TBCD: variants seen among roughly 807,000 people sequenced by gnomAD.
The protein encoded by TBCD is tubulin-specific chaperone D.
A neutral mutation model predicts 169.3 loss-of-function variants in TBCD; 105 were observed. That is an observed-to-expected ratio of 0.62 (90% CI 0.53 to 0.73). The LOEUF (loss-of-function observed/expected upper bound fraction) is 0.73, where lower values mean the gene tolerates loss of function less well. TBCD is among the 30% of genes least tolerant of loss of function. The probability of loss-of-function intolerance (pLI) is 0.00; values close to 1 mark genes in which losing one functional copy is unlikely to be tolerated. For synonymous variants in TBCD, 700 were observed against 643.9 expected (o/e 1.09, Z -1.32); for missense variants, 1,444 against 1,600.1 (o/e 0.90, Z 1.66).
chr17:82,893,292 G>A, intron 16 of TBCD: 1 of 507,650 alleles, frequency 2.0e-6, no homozygotes, highest in Non-Finnish European at 3.5e-6. Context: ...AAATGTTTGA[G>A]TTGTTTGAAA....
In TBCD at chr17:82,797,808, G is replaced by C. The variant is rs775669532; in HGVS notation, c.817+6G>C. ...TGAAGACTGTTTGCCCTATGGTAAG[G>C]TTTATTTTTAAGAGACGATATCTTT... On this transcript the variant is annotated splice_donor_region_variant and intron_variant, in intron 8 of 38. Coordinates refer to ENST00000355528, the MANE Select transcript of TBCD (RefSeq NM_005993.5). 7.6e-6 allele frequency: 12 copies of C among 1,571,866 alleles called. No individual in the cohort carries two copies. Among genetic ancestry groups the C allele is most frequent in the Non-Finnish European group, 1.0e-5 (12 of 1,166,228 alleles).
Position 82,930,360 on chromosome 17 carries a change from C to A in TBCD, c.2992-162C>A. ...CTTCGGGTGTCTGCACTGTGAGTGG[C>A]TCCGTGCTGGCGTCCGCACCAGCCG... On this transcript the variant is annotated intron_variant, in intron 32 of 38. Transcript: ENST00000355528. This position sits in a 1 kb window ranked among gnomAD's most constrained non-coding sequence, Gnocchi z 5.2. The A allele has an allele frequency of 9.8e-7, 1 of 1,015,826 alleles. No individual in the cohort carries two copies. The highest frequency in any genetic ancestry group is 1.4e-6 in the Non-Finnish European group (1 of 717,724). 62.9% of individuals were successfully genotyped at this position (1,015,826 alleles called of 1,614,324 possible). A position where few individuals can be genotyped will look rare whatever the true frequency, so the allele number is the denominator to read the frequency against.
intron 3 of TBCD, among the ~76,000 whole-genome samples, 173 bp downstream of exon 3, chr17:82,764,235 T>G (rs189668325): frequency 6.6e-6 from 1 of 152,232 alleles, no homozygotes; most frequent in Non-Finnish European, 1.5e-5. Flanking sequence ...TGATGTGGGC[T>G]CTTTGGCTGA....
intron 5 of TBCD, among the ~76,000 whole-genome samples, chr17:82,772,218 A>G (rs901003820): frequency 6.6e-6 from 1 of 152,180 alleles, no homozygotes; most frequent in Non-Finnish European, 1.5e-5. Flanking sequence ...GTGTGACCAA[A>G]TGCTCTGTGT....
chr17:82,940,267 C>T (rs551900322), intron 37 of TBCD, among the ~76,000 whole-genome samples: 5 of 146,056 alleles, frequency 3.4e-5, no homozygotes, highest in South Asian at 2.2e-4. Flanking sequence ...GGAGCAGTCT[C>T]GTCACCCCGT....
At chr17:82,863,080 A>G (rs1039887706) in intron 13 of TBCD, among the ~76,000 whole-genome samples, 6 of 152,168 alleles carry the variant, frequency 3.9e-5, no homozygotes, top group Non-Finnish European at 8.8e-5. Context: ...AAGTGAAGAT[A>G]TGAGGATGGG....
At chr17:82,929,538 T>A (rs765360426) in intron 32 of TBCD, 38 bp downstream of exon 32, 16 of 1,598,980 alleles carry the variant, frequency 1.0e-5, no homozygotes, top group Non-Finnish European at 1.2e-5. Flanking sequence ...AGGAGGTGGC[T>A]CCAGGAGTGC....
At chr17:82,935,696 C>T (rs1254130417) in intron 34 of TBCD, among the ~76,000 whole-genome samples, 1 of 152,188 alleles carries the variant, frequency 6.6e-6, no homozygotes, top group African/African-American at 2.4e-5. Flanking sequence ...CGCGTGCTTC[C>T]GTCTTGAGTT....
chr17:82,821,583 A>G (rs2052418603), intron 13 of TBCD, among the ~76,000 whole-genome samples: 1 of 152,160 alleles, frequency 6.6e-6, no homozygotes. Context: ...CTCCCTATGC[A>G]ATCTTCAGGC....
intron 6 of TBCD, among the ~76,000 whole-genome samples, chr17:82,777,977 G>T (rs1240348402): frequency 6.6e-6 from 1 of 152,250 alleles, no homozygotes; most frequent in African/African-American, 2.4e-5. Flanking sequence ...AGACCAAGGA[G>T]CCCTCTGGTG....
At chr17:82,881,520 G>A (rs2058351513) in intron 14 of TBCD, among the ~76,000 whole-genome samples, 1 of 152,126 alleles carries the variant, frequency 6.6e-6, no homozygotes, top group Admixed American at 6.5e-5. Context: ...GAAGCTTCTC[G>A]CTCCCAGCCG....
chr17:82,858,510 G>A (rs765756260), intron 13 of TBCD: 12 of 941,902 alleles, frequency 1.3e-5, no homozygotes, highest in African/African-American at 7.1e-5. Context: ...CAGGTACTAC[G>A]GCTGGAGGAT....
chr17:82,786,009 C>T (rs529061068), intron 7 of TBCD, among the ~76,000 whole-genome samples: 3 of 152,254 alleles, frequency 2.0e-5, no homozygotes, highest in Admixed American at 1.3e-4. Flanking sequence ...GGATATGTCC[C>T]GCACACCTGC....
chr17:82,789,368 C>T lies in TBCD; in HGVS notation c.771+7647C>T, dbSNP rs1023442972. Among the ~76,000 whole-genome samples the T allele has an allele frequency of 2.6e-5, 4 of 152,210 alleles. No individual in the cohort carries two copies. Among genetic ancestry groups the T allele is most frequent in the African/African-American group, 7.2e-5 (3 of 41,458 alleles). On this transcript the variant is annotated intron_variant, in intron 7 of 38. Transcript: ENST00000355528. The surrounding 1 kb of genome is among the most constrained non-coding windows in gnomAD (Gnocchi z 4.8). ...CCCATCCCTGCTGAGGTGGCGCGACCTGCTCACAGACGTGTGCTCACAGGC... is the reference window on the plus strand; with the variant it reads ...CCCATCCCTGCTGAGGTGGCGCGACTTGCTCACAGACGTGTGCTCACAGGC...
At chr17:82,768,066 G>A (rs1156524057) in intron 4 of TBCD, among the ~76,000 whole-genome samples, 1 of 152,064 alleles carries the variant, frequency 6.6e-6, no homozygotes, top group African/African-American at 2.4e-5. Context: ...TTATTCTTAG[G>A]TGTTTTTACT....
Position 82,864,778 on chromosome 17 carries a change from C to A in TBCD, c.1319-5446C>A, listed in dbSNP as rs775569452. Among the ~76,000 whole-genome samples the A allele has an allele frequency of 2.0e-5, 3 of 151,996 alleles. No individual in the cohort carries two copies. Among genetic ancestry groups the A allele is most frequent in the Non-Finnish European group, 4.4e-5 (3 of 67,984 alleles). The stretch of plus-strand genomic sequence containing the variant: ...AGCAGGTGATGCATATCCGGGCGCC[C>A]ACCCTAGCAGCACAGGAAGGGCTGG... On this transcript the variant is annotated intron_variant, in intron 13 of 38. Coordinates refer to ENST00000355528, the MANE Select transcript of TBCD (RefSeq NM_005993.5). The surrounding 1 kb of genome is among the most constrained non-coding windows in gnomAD (Gnocchi z 6.3).
chr17:82,896,000 T>A (rs560150307), intron 17 of TBCD: 1 of 152,230 alleles, frequency 6.6e-6, no homozygotes, highest in Non-Finnish European at 1.5e-5. Flanking sequence ...GGTACATTTT[T>A]GTAAATGTTA....
intron 7 of TBCD, among the ~76,000 whole-genome samples, chr17:82,794,999 G>A (rs1248871351): frequency 6.6e-6 from 1 of 152,234 alleles, no homozygotes; most frequent in Non-Finnish European, 1.5e-5. Flanking sequence ...AGCTGGGGAC[G>A]GTGGAAGCTG....
chr17:82,888,476 A>G (rs1445430106), intron 15 of TBCD, among the ~76,000 whole-genome samples: 2 of 152,222 alleles, frequency 1.3e-5, no homozygotes, highest in Admixed American at 6.5e-5. Flanking sequence ...TCTTTGTTGC[A>G]TTGCCTTTTG....
Sources: allele counts gnomAD v4.1 joint callset (sites outside exome capture counted in the v4.1 genomes callset), GRCh38; gene constraint gnomAD v4.1.1; non-coding constraint Gnocchi (gnomAD v3.1); transcripts MANE v1.5; gene names NCBI Gene and HGNC (gene_info 2026-07-23, HGNC 2026-07-21).